PDE4D: variants seen among roughly 807,000 people sequenced by gnomAD.
PDE4D encodes 3',5'-cyclic-AMP phosphodiesterase 4D.
In PDE4D, 24 loss-of-function variants were observed where a neutral mutation model predicts 87.4. The ratio of observed to expected loss-of-function variants is 0.27; its 90% CI spans 0.20 to 0.39. The LOEUF (loss-of-function observed/expected upper bound fraction) is 0.39. Among genes scored for constraint, PDE4D ranks in the 10% least tolerant of loss-of-function variants. The pLI, the probability that PDE4D is intolerant of heterozygous loss-of-function variation, is 1.00. For missense variants in PDE4D, 714 were observed against 1,041.0 expected, an observed-to-expected ratio of 0.69 and a Z score of 4.32; for synonymous variants, 384 against 383.2, an observed-to-expected ratio of 1.00 and a Z score of -0.02.
chr5:60,214,060 C>T (rs553374637), intron 1 of PDE4D, among the ~76,000 whole-genome samples: 2 of 152,266 alleles, frequency 1.3e-5, no homozygotes, highest in Non-Finnish European at 2.9e-5. Context: ...CCTCAATTTA[C>T]GAACCATTGC....
chr5:60,511,517 T>TTAATAATAATAATAA lies in PDE4D; in HGVS notation n.70+10519_70+10533dup, dbSNP rs150885033. On this transcript the variant is annotated intron_variant and non_coding_transcript_variant, in intron 1 of 2. Transcript: ENST00000506510. ...TTAGGCAATAACATACTATAGAAAT[T>TTAATAATAATAATAA]TAATAATAATAATAATAATAATAAT... is the stretch of plus-strand genomic sequence containing the variant. 6.3e-3 allele frequency among the ~76,000 whole-genome samples: 926 copies of TTAATAATAATAATAA among 147,740 alleles called. 2 individuals are homozygous for TTAATAATAATAATAA. Among genetic ancestry groups the TTAATAATAATAATAA allele is most frequent in the Middle Eastern group, 0.018 (5 of 284 alleles).
At chr5:59,854,883 T>G (rs192690641) in intron 1 of PDE4D, among the ~76,000 whole-genome samples, 2 of 152,130 alleles carry the variant, frequency 1.3e-5, no homozygotes, top group Non-Finnish European at 2.9e-5. Context: ...CAGCCATGTA[T>G]GCCAGGCACC....
At chr5:59,642,521 G>A (rs1741765715) in intron 1 of PDE4D, among the ~76,000 whole-genome samples, 1 of 152,120 alleles carries the variant, frequency 6.6e-6, no homozygotes, top group Non-Finnish European at 1.5e-5. Context: ...TCGTGGTGGT[G>A]AATAAGTCTC....
intron 2 of PDE4D, among the ~76,000 whole-genome samples, chr5:60,070,875 C>T (rs1415438421): frequency 2.6e-5 from 4 of 151,834 alleles, no homozygotes; most frequent in African/African-American, 4.8e-5. Context: ...TAGGTCTGTT[C>T]GGACTTTCTG....
At chr5:60,281,803 C>A (rs529394860) in intron 1 of PDE4D, among the ~76,000 whole-genome samples, 2 of 152,148 alleles carry the variant, frequency 1.3e-5, no homozygotes, top group Non-Finnish European at 2.9e-5. Flanking sequence ...GATTGCCTCC[C>A]TGAGGCAGGC....
intron 1 of PDE4D, among the ~76,000 whole-genome samples, chr5:59,460,618 C>T (rs192785548): frequency 6.6e-6 from 1 of 152,212 alleles, no homozygotes; most frequent in Admixed American, 6.5e-5. Flanking sequence ...TCTGGAGAGG[C>T]CTCCCTGAAA....
intron 5 of PDE4D, among the ~76,000 whole-genome samples, chr5:59,158,724 AC>A (rs1290245489): frequency 7.2e-5 from 11 of 152,244 alleles, no homozygotes; most frequent in Admixed American, 3.3e-4. Context: ...ATTTTACAGA[AC>A]ACAACCCAGG....
chr5:60,195,032 C>T lies in PDE4D; in HGVS notation c.-89-9345G>A, dbSNP rs181351138. Reference sequence around the variant, plus strand: ...CTTGTAATTCTTTGCATACGCCATACGGTTTCTCACCTCCCTGTCCTCTGT... The same window carrying T: ...CTTGTAATTCTTTGCATACGCCATATGGTTTCTCACCTCCCTGTCCTCTGT... On this transcript the variant is annotated intron_variant, in intron 1 of 16. Transcript: ENST00000502484. Among the ~76,000 whole-genome samples, 12 of 151,756 alleles carry T rather than the reference C, an allele frequency of 7.9e-5. No homozygotes were observed. The East Asian group carries it at 1.7e-3, about 22-fold the overall frequency.
At chr5:59,480,714 T>C (rs1215666086) in intron 1 of PDE4D, among the ~76,000 whole-genome samples, 1 of 152,186 alleles carries the variant, frequency 6.6e-6, no homozygotes, top group Non-Finnish European at 1.5e-5. Flanking sequence ...AATAAGTCTC[T>C]TTTTACTTGA....
chr5:60,447,173 TCATC>T (rs1182106400), intron 1 of PDE4D, among the ~76,000 whole-genome samples: 2 of 152,182 alleles, frequency 1.3e-5, no homozygotes, highest in Non-Finnish European at 2.9e-5. Context: ...TGGCATGTTC[TCATC>T]CATTGCCAAT....
intron 1 of PDE4D, among the ~76,000 whole-genome samples, chr5:59,864,627 G>A (rs1746751016): frequency 6.6e-6 from 1 of 152,190 alleles, no homozygotes; most frequent in African/African-American, 2.4e-5. Context: ...CCTATGAATA[G>A]TTAGGGAAGA....
At chr5:59,642,755 T>TA (rs1216461289) in intron 1 of PDE4D, among the ~76,000 whole-genome samples, 3 of 152,176 alleles carry the variant, frequency 2.0e-5, no homozygotes, top group South Asian at 4.1e-4. Context: ...AACAAAATCC[T>TA]AAAAAATACA....
At chr5:60,445,107 C>T (rs1360006615) in intron 1 of PDE4D, among the ~76,000 whole-genome samples, 1 of 152,058 alleles carries the variant, frequency 6.6e-6, no homozygotes, top group Non-Finnish European at 1.5e-5. Flanking sequence ...ATTCAGCCAA[C>T]TTTGTTGTGA....
intron 5 of PDE4D, among the ~76,000 whole-genome samples, chr5:59,149,247 AAACTC>A (rs2153459100): frequency 6.6e-6 from 1 of 152,292 alleles, no homozygotes; most frequent in East Asian, 1.9e-4. Flanking sequence ...AATGAATTTC[AAACTC>A]AGGTTAGATG....
chr5:59,587,533 C>T (rs1825345336), intron 1 of PDE4D: 1 of 985,288 alleles, frequency 1.0e-6, no homozygotes, highest in African/African-American at 1.7e-5. Flanking sequence ...CCTTTGGAAT[C>T]CTCGCAGCCG....
chr5:60,207,142 C>G (rs542264859), intron 1 of PDE4D, among the ~76,000 whole-genome samples: 1 of 152,132 alleles, frequency 6.6e-6, no homozygotes, highest in African/African-American at 2.4e-5. Flanking sequence ...ATAAGAAGTC[C>G]CTGAAGCAGG....
intron 1 of PDE4D, among the ~76,000 whole-genome samples, chr5:59,712,516 C>A (rs1754358973): frequency 6.9e-6 from 1 of 144,470 alleles, no homozygotes; most frequent in Non-Finnish European, 1.5e-5. Context: ...TATTAGTCCA[C>A]TGAATTTACC....
intron 1 of PDE4D, among the ~76,000 whole-genome samples, chr5:59,579,693 AT>A (rs1440505432): frequency 2.0e-5 from 3 of 152,210 alleles, no homozygotes; most frequent in Non-Finnish European, 4.4e-5. Flanking sequence ...ATAGAGCTGA[AT>A]TCATCTATGC....
At chr5:59,694,865 T>C (rs1456876122) in intron 1 of PDE4D, among the ~76,000 whole-genome samples, 1 of 152,220 alleles carries the variant, frequency 6.6e-6, no homozygotes, top group East Asian at 1.9e-4. Context: ...AGTCTACTTC[T>C]AAAGGACTTT....
Sources: allele counts gnomAD v4.1 joint callset (sites outside exome capture counted in the v4.1 genomes callset), GRCh38; gene constraint gnomAD v4.1.1; transcripts MANE v1.5; gene names NCBI Gene and HGNC (gene_info 2026-07-23, HGNC 2026-07-21).